DLG2: variants seen among roughly 807,000 people sequenced by gnomAD.
DLG2 encodes the protein discs large MAGUK scaffold protein 2, also known as disks large homolog 2.
A neutral mutation model predicts 132.5 loss-of-function variants in DLG2; 45 were observed. The ratio of observed to expected loss-of-function variants is 0.34; its 90% CI spans 0.27 to 0.44. DLG2 has a LOEUF of 0.44. Ranked by LOEUF, DLG2 falls within the 20% of genes least tolerant of loss-of-function variation. The pLI is 1.00. For missense variants in DLG2, 1,045 were observed against 1,196.9 expected (o/e 0.87, Z 1.87); for synonymous variants, 424 against 419.6 (o/e 1.01, Z -0.13).
chr11:83,518,129 C>T (rs897965895), intron 21 of DLG2, among the ~76,000 whole-genome samples: 1 of 152,228 alleles, frequency 6.6e-6, no homozygotes, highest in Non-Finnish European at 1.5e-5. Context: ...GTGGAGTCTA[C>T]AGAGGCAGGC....
chr11:84,898,988 T>A (rs2154069178), intron 6 of DLG2, among the ~76,000 whole-genome samples: 1 of 152,214 alleles, frequency 6.6e-6, no homozygotes, highest in South Asian at 2.1e-4. Flanking sequence ...TTTATTCATT[T>A]TTGTATTCCC....
chr11:84,297,997 GTCTA>G (rs1020172579), intron 7 of DLG2, among the ~76,000 whole-genome samples: 1 of 151,894 alleles, frequency 6.6e-6, no homozygotes, highest in Admixed American at 6.6e-5. Context: ...TTACTTTAAT[GTCTA>G]TCTAAAGAAG....
intron 8 of DLG2, among the ~76,000 whole-genome samples, chr11:84,176,309 A>G (rs1018305692): frequency 2.2e-5 from 2 of 92,050 alleles, no homozygotes; most frequent in Non-Finnish European, 4.7e-5. Flanking sequence ...TATGCTAAGC[A>G]GTAAAGCTTA....
intron 18 of DLG2, among the ~76,000 whole-genome samples, chr11:83,696,352 C>T (rs968142943): frequency 1.2e-4 from 19 of 152,290 alleles, no homozygotes; most frequent in Admixed American, 5.2e-4. Context: ...TTTCTGGACC[C>T]TGTTTCCCAA....
At chr11:84,406,564 T>G (rs1057178592) in intron 7 of DLG2, among the ~76,000 whole-genome samples, 1 of 152,200 alleles carries the variant, frequency 6.6e-6, no homozygotes, top group Non-Finnish European at 1.5e-5. Context: ...GGTTTTGAAC[T>G]CTTGGGCTAA....
In DLG2 at chr11:85,340,181, C is replaced by T. The variant is rs192009957; in HGVS notation, c.41-54816G>A. On this transcript the variant is annotated intron_variant, in intron 3 of 27. Coordinates refer to ENST00000376104, the MANE Select transcript of DLG2 (RefSeq NM_001142699.3). ...TATAAATCATGCTACTATAAAGACA[C>T]ATGCACACATATGTTTATTGTGGCA... Among the ~76,000 whole-genome samples the T allele has an allele frequency of 6.9e-4, 105 of 152,302 alleles. 3 individuals carry two copies. The East Asian group carries it at 0.019, about 28-fold the overall frequency.
At chr11:84,494,041 G>T (rs2099173144) in intron 7 of DLG2, among the ~76,000 whole-genome samples, 2 of 152,136 alleles carry the variant, frequency 1.3e-5, no homozygotes, top group Admixed American at 1.3e-4. Context: ...GTAGGGACAA[G>T]TGTCATGGCA....
At chr11:84,392,842 G>C (rs1415642316) in intron 7 of DLG2, among the ~76,000 whole-genome samples, 2 of 152,102 alleles carry the variant, frequency 1.3e-5, no homozygotes, top group East Asian at 1.9e-4. Flanking sequence ...TGGGCAGTTT[G>C]GGTTCAGGAG....
chr11:84,421,152 C>T (rs983661132), intron 7 of DLG2, among the ~76,000 whole-genome samples: 8 of 152,092 alleles, frequency 5.3e-5, no homozygotes, highest in African/African-American at 1.9e-4. Flanking sequence ...AGACAGCTGT[C>T]TATGAACCAG....
chr11:85,129,206 T>G (rs2075447007), intron 5 of DLG2, among the ~76,000 whole-genome samples: 2 of 152,186 alleles, frequency 1.3e-5, no homozygotes, highest in South Asian at 4.1e-4. Context: ...CTTCTGAAAG[T>G]GGGTTGCCTG....
At chr11:84,807,469 C>CA (rs1055099516) in intron 6 of DLG2, among the ~76,000 whole-genome samples, 89 of 151,572 alleles carry the variant, frequency 5.9e-4, no homozygotes, top group African/African-American at 2.1e-3. Flanking sequence ...AACAAAAAAG[C>CA]AAAAAAAGAA....
chr11:84,501,733 AT>A (rs1161157612), intron 7 of DLG2, among the ~76,000 whole-genome samples: 1 of 152,226 alleles, frequency 6.6e-6, no homozygotes, highest in African/African-American at 2.4e-5. Context: ...AAAAAAATGG[AT>A]TAATGTTCTC....
At chr11:84,510,495 G>C (rs930231505) in intron 7 of DLG2, among the ~76,000 whole-genome samples, 5 of 152,010 alleles carry the variant, frequency 3.3e-5, no homozygotes, top group Admixed American at 1.3e-4. Flanking sequence ...GAACAACATA[G>C]TTGTACTACT....
At chr11:84,188,081 C>T (rs150179572) in intron 8 of DLG2, among the ~76,000 whole-genome samples, 2 of 152,210 alleles carry the variant, frequency 1.3e-5, no homozygotes, top group East Asian at 1.9e-4. Context: ...ATAAAGTTGC[C>T]TCTATCCAAA....
At chr11:85,087,666 G>A (rs1373662920) in intron 6 of DLG2, among the ~76,000 whole-genome samples, 2 of 150,970 alleles carry the variant, frequency 1.3e-5, no homozygotes, top group East Asian at 2.0e-4. Flanking sequence ...GTGAAACCCC[G>A]TCTCTACTAA....
intron 3 of DLG2, among the ~76,000 whole-genome samples, chr11:85,472,830 C>G (rs902811316): frequency 2.0e-5 from 3 of 152,164 alleles, no homozygotes; most frequent in African/African-American, 7.2e-5. Flanking sequence ...CAGAATCGGG[C>G]GAAGGGACTG....
intron 3 of DLG2, among the ~76,000 whole-genome samples, chr11:85,459,037 G>C (rs1452130767): frequency 6.6e-6 from 1 of 152,188 alleles, no homozygotes; most frequent in Non-Finnish European, 1.5e-5. Context: ...AGCTAGGAAG[G>C]CCCGCCTGGT....
chr11:84,404,321 C>A (rs988908594), intron 7 of DLG2, among the ~76,000 whole-genome samples: 9 of 152,114 alleles, frequency 5.9e-5, no homozygotes, highest in African/African-American at 1.7e-4. Flanking sequence ...CCATCTCCAC[C>A]TTTTCCTACC....
At chr11:83,782,841 G>A (rs1356343487) in intron 18 of DLG2, among the ~76,000 whole-genome samples, 2 of 152,094 alleles carry the variant, frequency 1.3e-5, no homozygotes, top group African/African-American at 4.8e-5. Context: ...CAAAGGGGAA[G>A]GTTTCTGGGA....
Sources: gnomAD v4.1 joint callset for allele counts (sites outside exome capture counted in the v4.1 genomes callset) on GRCh38, gnomAD v4.1.1 for gene constraint, MANE v1.5 for transcripts, NCBI Gene and HGNC (gene_info 2026-07-23, HGNC 2026-07-21) for gene names.